The following CCDC57 variants were observed in gnomAD, a reference collection of about 807,000 sequenced individuals.
CCDC57 encodes coiled-coil domain containing 57, also known as coiled-coil domain-containing protein 57.
In CCDC57, 118 loss-of-function variants were observed where a neutral mutation model predicts 118.9. The ratio of observed to expected loss-of-function variants is 0.99; its 90% CI spans 0.86 to 1.16. The LOEUF (loss-of-function observed/expected upper bound fraction) is 1.16. Ranked by LOEUF, CCDC57 falls within the 50% of genes most tolerant of loss-of-function variation. The pLI is 0.00. For synonymous variants in CCDC57, 527 were observed against 532.9 expected, an observed-to-expected ratio of 0.99 and a Z score of 0.15; for missense variants, 1,300 against 1,320.7, an observed-to-expected ratio of 0.98 and a Z score of 0.24.
At position 82,118,350 on chromosome 17, in the gene CCDC57, T is replaced by C. The variant is rs981894474; in HGVS notation, c.2899+9342A>G. Reference sequence around the variant, plus strand: ...CCATTAGCGCAGGACTGAAACCCGATGTGGGTGTTATCCATTAGCGCAGGA... The same window carrying C: ...CCATTAGCGCAGGACTGAAACCCGACGTGGGTGTTATCCATTAGCGCAGGA... On this transcript the variant is annotated intron_variant, in intron 19 of 19. Coordinates refer to ENST00000665763, the Ensembl canonical transcript of CCDC57. This position sits in a 1 kb window ranked among gnomAD's most constrained non-coding sequence, Gnocchi z 4.7. 2.6e-5 allele frequency among the ~76,000 whole-genome samples: 4 copies of C among 152,158 alleles called. No homozygotes were observed. In the East Asian group the frequency reaches 5.8e-4, roughly 22 times the overall value.
chr17:82,193,367 T>C (rs1434221129), intron 7 of CCDC57, among the ~76,000 whole-genome samples: 1 of 151,944 alleles, frequency 6.6e-6, no homozygotes, highest in Admixed American at 6.6e-5. Flanking sequence ...GCCAACATGG[T>C]GAGACCCTGT....
intron 19 of CCDC57, among the ~76,000 whole-genome samples, chr17:82,120,054 T>A (rs2036461909): frequency 1.3e-5 from 2 of 152,176 alleles, no homozygotes; most frequent in Non-Finnish European, 2.9e-5. Flanking sequence ...GTATGGCTGT[T>A]CAACACAGCT....
At chr17:82,104,027 T>G (rs1235967388) in intron 19 of CCDC57, among the ~76,000 whole-genome samples, 6 of 152,144 alleles carry the variant, frequency 3.9e-5, no homozygotes, top group Non-Finnish European at 8.8e-5. Flanking sequence ...GCCCAGCCAG[T>G]CCTAGGTCAG....
rs1441935908 is a variant in CCDC57, at chr17:82,172,789, C to G, written c.1578G>C (p.Glu526Asp). ...TCGCGTTTCGCAAGCTCGTGTTCTG[C>G]TCTCGGAGCCGCTGGATCTCACTGG... The change falls in exon 12 of 20, where the codon GAG (glutamate) becomes GAC (aspartate). Residue 526 changes from glutamate (E) to aspartate (D), a missense_variant. By Grantham distance (45) the Glu-to-Asp change is conservative. Transcript: ENST00000665763. This position sits in a 1 kb window ranked among gnomAD's most constrained non-coding sequence, Gnocchi z 5.2. The G allele has an allele frequency of 6.2e-7, 1 of 1,613,534 alleles. No individual in the cohort carries two copies. Among genetic ancestry groups the G allele is most frequent in the East Asian group, 2.2e-5 (1 of 44,880 alleles).
intron 4 of CCDC57, among the ~76,000 whole-genome samples, chr17:82,197,571 T>C (rs1330561804): frequency 6.6e-6 from 1 of 152,226 alleles, no homozygotes; most frequent in Non-Finnish European, 1.5e-5. Context: ...AATTATACCT[T>C]TCTAAAAATA....
intron 16 of CCDC57, among the ~76,000 whole-genome samples, chr17:82,143,922 A>G: frequency 6.8e-6 from 1 of 147,102 alleles, no homozygotes; most frequent in Admixed American, 7.1e-5. Context: ...AACATGGTGA[A>G]ACCTGTCTCT....
intron 1 of CCDC57, chr17:82,208,096 G>A (rs2049878207): frequency 1.3e-5 from 2 of 152,266 alleles, no homozygotes; most frequent in East Asian, 3.9e-4. Flanking sequence ...AATACACAGA[G>A]AAGGGGTTTC....
intron 17 of CCDC57, among the ~76,000 whole-genome samples, chr17:82,132,236 G>T (rs951266125): frequency 5.3e-5 from 8 of 151,948 alleles, no homozygotes; most frequent in Non-Finnish European, 1.2e-4. Context: ...CAAAGCCACA[G>T]TATTTAAAGC....
intron 13 of CCDC57, among the ~76,000 whole-genome samples, chr17:82,167,380 T>C (rs2044122996): frequency 8.8e-6 from 1 of 114,064 alleles, no homozygotes; most frequent in Admixed American, 1.0e-4. Flanking sequence ...GATGGATTTT[T>C]GCTCTTGTAG....
chr17:82,113,769 C>CA (rs1410652352), intron 19 of CCDC57: 2 of 660,760 alleles, frequency 3.0e-6, no homozygotes, highest in South Asian at 1.6e-5. Context: ...CCCATTTCTA[C>CA]AAAAAAATAA....
At chr17:82,134,488 A>T (rs1034044938) in intron 16 of CCDC57, 3 of 285,614 alleles carry the variant, frequency 1.1e-5, no homozygotes, top group Non-Finnish European at 1.9e-5. Context: ...TTTCTGTGGC[A>T]GGCACAAAGA....
intron 3 of CCDC57, among the ~76,000 whole-genome samples, chr17:82,198,992 CAAAAAAA>C (rs34649384): frequency 1.1e-5 from 1 of 87,588 alleles, no homozygotes; most frequent in Non-Finnish European, 2.3e-5. Context: ...GACTCCATCT[CAAAAAAA>C]AAAAAAAAAA....
chr17:82,200,736 C>T (rs1025900882), intron 3 of CCDC57, among the ~76,000 whole-genome samples: 2 of 151,494 alleles, frequency 1.3e-5, no homozygotes, highest in Admixed American at 6.6e-5. Context: ...GAGGTTGCAG[C>T]GAGCCGAGAT....
chr17:82,201,418 A>G, intron 3 of CCDC57, 120 bp downstream of exon 2: 1 of 1,270,574 alleles, frequency 7.9e-7, no homozygotes, highest in South Asian at 1.6e-5. Context: ...GTGGCCTGGA[A>G]TCAGCAGCGG....
rs1297330299 is a variant in CCDC57, at chr17:82,193,982, C to G, written c.776G>C (p.Arg259Pro). The G allele has an allele frequency of 5.0e-6, 8 of 1,607,556 alleles. No homozygotes were observed. The East Asian group carries it at 1.1e-4, about 22-fold the overall frequency. ...CTCGGGAGATGAAGGACTCGCGCAC[C>G]GGGCGCGGCTCATGGCCTCCAGGTC... Residue 259 changes from arginine to proline, a missense_variant and splice_region_variant, in exon 6 of 20, where the codon CGG (arginine) becomes CCG (proline). Arg to Pro is a moderately radical substitution (Grantham distance 103). Coordinates refer to ENST00000665763, the Ensembl canonical transcript of CCDC57.
At chr17:82,163,344 T>C (rs766699756) in exon 14 of CCDC57, 76 of 1,613,886 alleles carry the variant, frequency 4.7e-5, no homozygotes, top group Non-Finnish European at 6.3e-5. Context: ...CTTGACCAGC[T>C]TGGGCAGACC....
At chr17:82,161,663 C>T (rs2146055545) in intron 14 of CCDC57, among the ~76,000 whole-genome samples, 1 of 152,286 alleles carries the variant, frequency 6.6e-6, no homozygotes, top group South Asian at 2.1e-4. Flanking sequence ...TACCATAGGA[C>T]TGTGTTAATA....
chr17:82,180,840 C>G (rs1203191946), intron 9 of CCDC57, among the ~76,000 whole-genome samples: 2 of 149,862 alleles, frequency 1.3e-5, no homozygotes, highest in Non-Finnish European at 2.9e-5. Flanking sequence ...AACACAGCAG[C>G]TGTCACCATG....
chr17:82,181,727 G>A (rs1351969574), intron 9 of CCDC57, among the ~76,000 whole-genome samples: 1 of 152,214 alleles, frequency 6.6e-6, no homozygotes, highest in Non-Finnish European at 1.5e-5. Context: ...AATGAGGAGA[G>A]AAATTAAATG....
Sources: allele counts gnomAD v4.1 joint callset (sites outside exome capture counted in the v4.1 genomes callset), GRCh38; gene constraint gnomAD v4.1.1; non-coding constraint Gnocchi (gnomAD v3.1); transcripts MANE v1.5; gene names NCBI Gene and HGNC (gene_info 2026-07-23, HGNC 2026-07-21).